Variants in APLP2 observed in about 807,000 individuals in gnomAD.
The protein encoded by APLP2 is CDEI box-binding protein.
Under a neutral mutation model 89.9 loss-of-function variants are expected in APLP2, and 53 were observed. The ratio of observed to expected loss-of-function variants is 0.59; its 90% CI spans 0.47 to 0.74. The LOEUF (loss-of-function observed/expected upper bound fraction) is 0.74. Among genes scored for constraint, APLP2 ranks in the 30% least tolerant of loss-of-function variants. APLP2 has a pLI of 0.00. For synonymous variants in APLP2, 372 were observed against 348.6 expected, an observed-to-expected ratio of 1.07 and a Z score of -0.75; for missense variants, 973 against 975.9, an observed-to-expected ratio of 1.00 and a Z score of 0.04.
At chr11:130,089,622 A>C (rs1944609730) in intron 1 of APLP2, among the ~76,000 whole-genome samples, 1 of 152,158 alleles carries the variant, frequency 6.6e-6, no homozygotes, top group African/African-American at 2.4e-5. Flanking sequence ...GAGCTGCTGT[A>C]ACAAAGATGC....
intron 1 of APLP2, among the ~76,000 whole-genome samples, chr11:130,095,814 T>C (rs1020589100): frequency 1.3e-5 from 2 of 152,246 alleles, no homozygotes; most frequent in Non-Finnish European, 2.9e-5. Context: ...GATACTAGTT[T>C]AGTGCAGTAT....
At chr11:130,109,404 C>T in intron 1 of APLP2, 25 bp from the exon 2 acceptor site, 1 of 1,599,682 alleles carries the variant, frequency 6.3e-7, no homozygotes, top group Non-Finnish European at 8.5e-7. Context: ...TTGGAGTAAA[C>T]CTGCAATTTT....
At position 130,122,432 on chromosome 11, in the gene APLP2, G is replaced by A; in HGVS notation, c.841G>A (p.Asp281Asn). Residue 281 changes from aspartate to asparagine, a missense_variant, in exon 6 of 17, where the codon GAT (aspartate) becomes AAT (asparagine). By Grantham distance (23) the Asp-to-Asn change is conservative (BLOSUM62 1). Coordinates refer to ENST00000338167, the MANE Select transcript of APLP2 (RefSeq NM_001142276.2). ...TTACTACTATGACACCTTCAAAGGA[G>A]ATGACTACAATGAGGAGAATCCTAC... The part of the protein sequence containing the change: ...RDYYYDTFKG[D>N]DYNEENPTEP... 6.2e-7 allele frequency: 1 copy of A among 1,614,214 alleles called. No individual in the cohort carries two copies. Among genetic ancestry groups the A allele is most frequent in the Middle Eastern group, 1.6e-4 (1 of 6,062 alleles).
intron 1 of APLP2, among the ~76,000 whole-genome samples, chr11:130,088,564 A>T (rs1044762877): frequency 3.9e-5 from 6 of 152,094 alleles, no homozygotes; most frequent in African/African-American, 1.2e-4. Context: ...AGCAAATGTC[A>T]TCTTCTCTCT....
In APLP2 at chr11:130,069,901, T is replaced by C; in HGVS notation, c.-77T>C. 2 of 1,144,368 alleles carry C rather than the reference T, an allele frequency of 1.7e-6. No individual in the cohort carries two copies. Among genetic ancestry groups the C allele is most frequent in the South Asian group, 2.7e-5 (2 of 73,488 alleles). 70.9% of individuals were successfully genotyped at this position (1,144,368 alleles called of 1,614,324 possible). On this transcript the variant is annotated 5_prime_UTR_variant, in exon 1 of 17. Coordinates refer to ENST00000338167, the MANE Select transcript of APLP2 (RefSeq NM_001142276.2). Reference sequence around the variant, plus strand: ...CGGCGGCGAACTGGCTTTAGATGCTTCTGGGTCGCGGTGTGCTAAGCGAGG... The same window carrying C: ...CGGCGGCGAACTGGCTTTAGATGCTCCTGGGTCGCGGTGTGCTAAGCGAGG...
chr11:130,096,745 T>C (rs1386380611), intron 1 of APLP2, among the ~76,000 whole-genome samples: 1 of 152,166 alleles, frequency 6.6e-6, no homozygotes, highest in African/African-American at 2.4e-5. Context: ...GGTGCTGTTG[T>C]ATTTTACACC....
At chr11:130,084,065 T>C (rs1440965169) in intron 1 of APLP2, among the ~76,000 whole-genome samples, 2 of 152,048 alleles carry the variant, frequency 1.3e-5, no homozygotes. Flanking sequence ...GCTAACACGG[T>C]GAAACCCTGT....
At chr11:130,126,197 T>C (rs1950349625) in intron 7 of APLP2, among the ~76,000 whole-genome samples, 1 of 152,198 alleles carries the variant, frequency 6.6e-6, no homozygotes. Flanking sequence ...GAACATTCAC[T>C]TGAGCCTGTT....
At position 130,143,519 on chromosome 11, in the gene APLP2, T is replaced by G. The variant is rs1952670992; in HGVS notation, c.*71T>G. The stretch of plus-strand genomic sequence containing the variant: ...GGAAGATCCCACGATTCCGATCGAC[T>G]GCCAAGCAGCAGCCGCTGCCAGGGG... On this transcript the variant is annotated 3_prime_UTR_variant, in exon 17 of 17. Coordinates refer to ENST00000338167, the MANE Select transcript of APLP2 (RefSeq NM_001142276.2). 1 of 1,349,056 alleles carries G rather than the reference T, an allele frequency of 7.4e-7. No homozygotes were observed. The highest frequency in any genetic ancestry group is 2.3e-5 in the East Asian group (1 of 43,552). 83.6% of individuals were successfully genotyped at this position (1,349,056 alleles called of 1,614,324 possible). A position where few individuals can be genotyped will look rare whatever the true frequency, so the allele number is the denominator to read the frequency against.
At chr11:130,131,248 AC>A (rs554612026) in intron 11 of APLP2, among the ~76,000 whole-genome samples, 166 of 152,282 alleles carry the variant, frequency 1.1e-3, no homozygotes, top group Non-Finnish European at 2.0e-3. Context: ...ACAGGTGCCC[AC>A]CACAGTACCT....
At chr11:130,116,555 G>A (rs1289652570) in intron 3 of APLP2, among the ~76,000 whole-genome samples, 2 of 151,992 alleles carry the variant, frequency 1.3e-5, no homozygotes, top group African/African-American at 2.4e-5. Context: ...GCGCGATCTT[G>A]GCTGACTGCG....
At chr11:130,140,198 G>C (rs905089671) in intron 13 of APLP2, among the ~76,000 whole-genome samples, 200 bp from the exon 14 acceptor site, 3 of 152,154 alleles carry the variant, frequency 2.0e-5, no homozygotes, top group African/African-American at 7.2e-5. Flanking sequence ...TATACCCATT[G>C]GTCTCTGCAA....
At chr11:130,104,206 CTTTTTTTTTTTTT>C (rs59598831) in intron 1 of APLP2, among the ~76,000 whole-genome samples, 87 of 77,020 alleles carry the variant, frequency 1.1e-3, no homozygotes, top group African/African-American at 2.9e-3. Context: ...TGGTACACAT[CTTTTTTTTTTTTT>C]TTTTTTTTTT....
chr11:130,094,259 G>A (rs547663070), intron 1 of APLP2, among the ~76,000 whole-genome samples: 1 of 150,882 alleles, frequency 6.6e-6, no homozygotes, highest in Non-Finnish European at 1.5e-5. Flanking sequence ...CTCCATGTTG[G>A]TCAGGCTGTT....
chr11:130,099,872 T>C (rs77040677), intron 1 of APLP2, among the ~76,000 whole-genome samples: 1 of 152,204 alleles, frequency 6.6e-6, no homozygotes, highest in African/African-American at 2.4e-5. Flanking sequence ...ATGATGGTGA[T>C]GCTAACGTGC....
At position 130,123,846 on chromosome 11, in the gene APLP2, T is replaced by C; in HGVS notation, c.1090+67T>C. 1.3e-6 allele frequency: 2 copies of C among 1,556,620 alleles called. No individual in the cohort carries two copies. The highest frequency in any genetic ancestry group is 1.4e-5 in the African/African-American group (1 of 73,922). The stretch of plus-strand genomic sequence containing the variant: ...CTGTCTGGCGTCCGTCTCCCTGCCG[T>C]CTTCGTGGCTGCATCTGTGTGGTGT... On this transcript the variant is annotated intron_variant, in intron 7 of 16. Coordinates refer to ENST00000338167, the MANE Select transcript of APLP2 (RefSeq NM_001142276.2). This position sits in a 1 kb window ranked among gnomAD's most constrained non-coding sequence, Gnocchi z 4.0.
At chr11:130,085,916 A>G (rs1371315060) in intron 1 of APLP2, among the ~76,000 whole-genome samples, 1 of 152,222 alleles carries the variant, frequency 6.6e-6, no homozygotes, top group East Asian at 1.9e-4. Context: ...CATTGTGCAT[A>G]TATACCACAT....
intron 1 of APLP2, among the ~76,000 whole-genome samples, chr11:130,071,824 G>C (rs1941160020): frequency 6.6e-6 from 1 of 152,174 alleles, no homozygotes; most frequent in African/African-American, 2.4e-5. Context: ...GTTCTTTGGA[G>C]CTGTATTTTT....
At chr11:130,113,180 C>T (rs1948792070) in intron 3 of APLP2, among the ~76,000 whole-genome samples, 1 of 152,174 alleles carries the variant, frequency 6.6e-6, no homozygotes, top group African/African-American at 2.4e-5. Context: ...ACCTCAGCAC[C>T]ATGGTAGTGC....
Sources: gnomAD v4.1 joint callset for allele counts (sites outside exome capture counted in the v4.1 genomes callset) on GRCh38, gnomAD v4.1.1 for gene constraint, Gnocchi (gnomAD v3.1) non-coding constraint, MANE v1.5 for transcripts, NCBI Gene and HGNC (gene_info 2026-07-23, HGNC 2026-07-21) for gene names.